The following CSGALNACT1 variants were observed in gnomAD, a reference collection of about 807,000 sequenced individuals.
CSGALNACT1 encodes the protein chondroitin sulfate N-acetylgalactosaminyltransferase 1.
In CSGALNACT1, 52 loss-of-function variants were observed where a neutral mutation model predicts 51.0. That is an observed-to-expected ratio of 1.02 (90% CI 0.82 to 1.29). The LOEUF is 1.29. CSGALNACT1 is among the 50% of genes most tolerant of loss of function. CSGALNACT1 has a pLI of 0.00. For synonymous variants in CSGALNACT1, 341 were observed against 254.4 expected, an observed-to-expected ratio of 1.34 and a Z score of -3.24; for missense variants, 935 against 679.2, an observed-to-expected ratio of 1.38 and a Z score of -4.19.
chr8:19,666,807 GA>G (rs1491152494), intron 1 of CSGALNACT1, among the ~76,000 whole-genome samples: 1 of 21,246 alleles, frequency 4.7e-5, no homozygotes, highest in African/African-American at 3.2e-4. Flanking sequence ...AAGAAAGAAA[GA>G]AAGAGAGAGA....
At chr8:19,717,335 C>T (rs1418286329) in intron 1 of CSGALNACT1, among the ~76,000 whole-genome samples, 1 of 152,216 alleles carries the variant, frequency 6.6e-6, no homozygotes, top group Non-Finnish European at 1.5e-5. Flanking sequence ...GCCTATGTAG[C>T]TGTGAACTAT....
At chr8:19,578,556 T>A (rs1488431535) in intron 3 of CSGALNACT1, among the ~76,000 whole-genome samples, 1 of 152,236 alleles carries the variant, frequency 6.6e-6, no homozygotes, top group Non-Finnish European at 1.5e-5. Flanking sequence ...GCAAAATGAT[T>A]AGATTCTGAA....
intron 1 of CSGALNACT1, among the ~76,000 whole-genome samples, chr8:19,712,858 C>T (rs913145992): frequency 2.0e-5 from 3 of 152,194 alleles, no homozygotes; most frequent in Admixed American, 6.5e-5. Flanking sequence ...TGGCAAGAAA[C>T]ATCCAAGTGC....
At chr8:19,736,794 A>G (rs1217242426) in intron 1 of CSGALNACT1, among the ~76,000 whole-genome samples, 1 of 152,196 alleles carries the variant, frequency 6.6e-6, no homozygotes, top group African/African-American at 2.4e-5. Context: ...ACATCTCACT[A>G]GAGTTCCAGA....
chr8:19,491,498 GCTC>G (rs777932223), intron 4 of CSGALNACT1, among the ~76,000 whole-genome samples: 2 of 152,118 alleles, frequency 1.3e-5, no homozygotes, highest in African/African-American at 2.4e-5. Flanking sequence ...CATTTCACCT[GCTC>G]CTAACAATAT....
chr8:19,520,814 T>C lies in CSGALNACT1; in HGVS notation c.-296-14684A>G, dbSNP rs895988619. Among the ~76,000 whole-genome samples, 12 of 152,328 alleles carry C rather than the reference T, an allele frequency of 7.9e-5. No individual in the cohort carries two copies. In the South Asian group the frequency reaches 2.3e-3, roughly 29 times the overall value. ...CCTATGAGGTAGGTTCTGTTAATAT[T>C]ATAACCATTTTGCAGACAGACAAGG... On this transcript the variant is annotated intron_variant, in intron 3 of 9. Transcript: ENST00000454498.
intron 1 of CSGALNACT1, among the ~76,000 whole-genome samples, chr8:19,698,894 CA>C (rs2061717006): frequency 1.3e-5 from 2 of 152,208 alleles, no homozygotes; most frequent in Admixed American, 1.3e-4. Flanking sequence ...CTTGAATGCA[CA>C]AGTCTCTTCC....
intron 6 of CSGALNACT1, among the ~76,000 whole-genome samples, chr8:19,428,350 A>G (rs2059104840): frequency 6.6e-6 from 1 of 152,192 alleles, no homozygotes; most frequent in Non-Finnish European, 1.5e-5. Flanking sequence ...GGAAGGCAGA[A>G]GAGGAGCAAA....
At chr8:19,750,536 C>T (rs761154743) in intron 1 of CSGALNACT1, among the ~76,000 whole-genome samples, 1 of 152,152 alleles carries the variant, frequency 6.6e-6, no homozygotes, top group Non-Finnish European at 1.5e-5. Context: ...CTTACCTATA[C>T]CTTTCGTTTA....
At chr8:19,682,708 C>T (rs1230032438), upstream of CSGALNACT1, 5 of 454,098 alleles carry the variant, frequency 1.1e-5, 1 homozygote, top group East Asian at 7.0e-5. Context: ...CCGTGCAATT[C>T]GGGGCCACAC....
intron 1 of CSGALNACT1, among the ~76,000 whole-genome samples, chr8:19,670,582 A>T (rs1197848430): frequency 6.7e-6 from 1 of 148,998 alleles, no homozygotes; most frequent in African/African-American, 2.5e-5. Flanking sequence ...CAGGAAACCA[A>T]GGATCAACCG....
chr8:19,456,763 T>G (rs2064191227), intron 5 of CSGALNACT1, among the ~76,000 whole-genome samples: 1 of 152,186 alleles, frequency 6.6e-6, no homozygotes, highest in South Asian at 2.1e-4. Flanking sequence ...CTACTTTGGA[T>G]TACATCATGG....
At chr8:19,688,913 T>C (rs76634716) in intron 1 of CSGALNACT1, 5 of 152,350 alleles carry the variant, frequency 3.3e-5, no homozygotes, top group African/African-American at 1.2e-4. Context: ...TGGGACAAAA[T>C]TGATTCCTAT....
intron 2 of CSGALNACT1, among the ~76,000 whole-genome samples, chr8:19,597,285 C>CTTTTTTTTTTT (rs35177349): frequency 3.1e-5 from 2 of 64,528 alleles, no homozygotes; most frequent in African/African-American, 1.4e-4. Context: ...TATCTTCTTT[C>CTTTTTTTTTTT]TTTTTTTTTT....
intron 3 of CSGALNACT1, among the ~76,000 whole-genome samples, chr8:19,527,574 C>T (rs142108947): frequency 3.9e-4 from 59 of 152,308 alleles, no homozygotes; most frequent in Middle Eastern, 3.4e-3. Flanking sequence ...CGTGCCACTG[C>T]ACTCTAGCCT....
chr8:19,670,650 C>CAAAAAAAAA (rs752256046), intron 1 of CSGALNACT1, among the ~76,000 whole-genome samples: 89 of 92,770 alleles, frequency 9.6e-4, no homozygotes, highest in African/African-American at 1.6e-3. Flanking sequence ...CTACTGAAGA[C>CAAAAAAAAA]AAAAAAAAAA....
chr8:19,466,373 G>C (rs1435927183), intron 4 of CSGALNACT1, among the ~76,000 whole-genome samples: 2 of 152,112 alleles, frequency 1.3e-5, no homozygotes, highest in African/African-American at 4.8e-5. Context: ...AAACACTTCA[G>C]CCATGTAAAT....
At chr8:19,699,281 G>C (rs779236908) in intron 1 of CSGALNACT1, among the ~76,000 whole-genome samples, 3 of 152,148 alleles carry the variant, frequency 2.0e-5, no homozygotes, top group Non-Finnish European at 2.9e-5. Flanking sequence ...GAACCCACAA[G>C]GCCAAGTGTA....
intron 3 of CSGALNACT1, among the ~76,000 whole-genome samples, chr8:19,582,508 C>T (rs917323175): frequency 3.3e-4 from 51 of 152,242 alleles, no homozygotes; most frequent in African/African-American, 1.2e-3. Context: ...AATCATCTGG[C>T]TTCAGGAGTG....
Sources: allele counts gnomAD v4.1 joint callset (sites outside exome capture counted in the v4.1 genomes callset), GRCh38; gene constraint gnomAD v4.1.1; transcripts MANE v1.5; gene names NCBI Gene and HGNC (gene_info 2026-07-23, HGNC 2026-07-21).